The following CSMD1 variants were observed in gnomAD, a reference collection of about 807,000 sequenced individuals.
The protein encoded by CSMD1 is CUB and sushi domain-containing protein 1.
CSMD1 carries 213 observed loss-of-function variants against 417.5 expected under a neutral mutation model. The ratio of observed to expected loss-of-function variants is 0.51; its 90% confidence interval spans 0.46 to 0.57. CSMD1 has a LOEUF of 0.57. Among genes scored for constraint, CSMD1 ranks in the 20% least tolerant of loss-of-function variants. The pLI, the probability that CSMD1 is intolerant of heterozygous loss-of-function variation, is 0.00. For missense variants in CSMD1, 6,923 were observed against 4,529.7 expected (o/e 1.53, Z -15.17); for synonymous variants, 2,862 against 1,736.8 (o/e 1.65, Z -16.11).
At chr8:4,134,920 A>C (rs554292937) in intron 3 of CSMD1, among the ~76,000 whole-genome samples, 29 of 152,266 alleles carry the variant, frequency 1.9e-4, no homozygotes, top group African/African-American at 7.0e-4. Context: ...AGTTTTTGCT[A>C]AACTCTTCAT....
rs1026720154 is a variant in CSMD1 at position 4,223,978 on chromosome 8, C to A, written c.416-191879G>T. Reference sequence around the variant, plus strand: ...ATACTAGTCCAACCACTTTTGAGAGCCTTTCTAGTAAAATTCTTTAAACCC... The same window carrying A: ...ATACTAGTCCAACCACTTTTGAGAGACTTTCTAGTAAAATTCTTTAAACCC... On this transcript the variant is annotated intron_variant, in intron 3 of 69. Coordinates refer to ENST00000635120, the MANE Select transcript of CSMD1 (RefSeq NM_033225.6). Among the ~76,000 whole-genome samples the A allele has an allele frequency of 3.3e-5, 5 of 152,100 alleles. No individual in the cohort carries two copies. In the East Asian group the frequency reaches 5.8e-4, roughly 18 times the overall value.
At chr8:4,626,784 G>A (rs1209003912) in intron 2 of CSMD1, among the ~76,000 whole-genome samples, 2 of 152,156 alleles carry the variant, frequency 1.3e-5, no homozygotes, top group Non-Finnish European at 2.9e-5. Context: ...CTGAAAACCT[G>A]AAGCCCTGTG....
At chr8:4,586,755 G>A (rs1473548064) in intron 2 of CSMD1, among the ~76,000 whole-genome samples, 8 of 152,094 alleles carry the variant, frequency 5.3e-5, no homozygotes, top group Non-Finnish European at 7.3e-5. Context: ...ATAGCTGTGC[G>A]GTTCCCCATG....
At chr8:4,864,376 G>A (rs563932551) in intron 1 of CSMD1, among the ~76,000 whole-genome samples, 1 of 151,924 alleles carries the variant, frequency 6.6e-6, no homozygotes, top group South Asian at 2.1e-4. Context: ...ACGTAAAAAT[G>A]TATTTGTCTT....
At chr8:4,699,055 A>G (rs530804758) in intron 1 of CSMD1, among the ~76,000 whole-genome samples, 1 of 152,134 alleles carries the variant, frequency 6.6e-6, no homozygotes, top group African/African-American at 2.4e-5. Flanking sequence ...CAGTTTTGGG[A>G]AAAAATGTGC....
At chr8:4,186,041 G>C (rs1284462869) in intron 3 of CSMD1, among the ~76,000 whole-genome samples, 2 of 152,164 alleles carry the variant, frequency 1.3e-5, no homozygotes, top group East Asian at 3.9e-4. Flanking sequence ...CATAGTGCCT[G>C]GGTGGGCCTG....
At chr8:4,444,202 C>T (rs1798647147) in intron 2 of CSMD1, among the ~76,000 whole-genome samples, 1 of 151,768 alleles carries the variant, frequency 6.6e-6, no homozygotes, top group African/African-American at 2.4e-5. Context: ...ACTAGCCAGG[C>T]ATGGTGGCAC....
intron 7 of CSMD1, among the ~76,000 whole-genome samples, chr8:3,648,523 G>A (rs543444697): frequency 6.6e-6 from 1 of 152,260 alleles, no homozygotes; most frequent in African/African-American, 2.4e-5. Flanking sequence ...TTGAAAAGTT[G>A]TTGTACGATT....
intron 2 of CSMD1, among the ~76,000 whole-genome samples, chr8:4,584,953 C>T (rs902502042): frequency 6.6e-6 from 1 of 151,960 alleles, no homozygotes; most frequent in Non-Finnish European, 1.5e-5. Context: ...TAACTGCCTG[C>T]CAGAAACAAA....
rs377017264 is a variant in CSMD1, at chr8:4,032,039, G to A, written c.476C>T (p.Thr159Met). ...GATTTTGTCTCCTATGTTGAATCTC[G>A]TTCCATGCAGAACTCCTTTCAGGAT... ...GEILKGVLHG[T>M]RFNIGDKIRY... The change falls in exon 4 of 70, where the codon ACG (threonine) becomes ATG (methionine). Residue 159 changes from threonine to methionine, a missense_variant. Coordinates refer to ENST00000635120, the MANE Select transcript of CSMD1 (RefSeq NM_033225.6). The A allele has an allele frequency of 5.1e-5, 83 of 1,613,846 alleles. No individual in the cohort carries two copies. The highest frequency in any genetic ancestry group is 6.7e-5 in the African/African-American group (5 of 75,002).
At position 4,047,703 on chromosome 8, in the gene CSMD1, T is replaced by G. The variant is rs149523660; in HGVS notation, c.416-15604A>C. Reference sequence around the variant, plus strand: ...ACCATTAAAAAAATAAAATTTGTAATAGCTCAGTGGATTTTAAATGCTATG... The same window carrying G: ...ACCATTAAAAAAATAAAATTTGTAAGAGCTCAGTGGATTTTAAATGCTATG... On this transcript the variant is annotated intron_variant, in intron 3 of 69. Transcript: ENST00000635120. Among the ~76,000 whole-genome samples the G allele has an allele frequency of 7.2e-3, 1,097 of 152,180 alleles. 13 individuals carry two copies. The highest frequency in any genetic ancestry group is 0.025 in the African/African-American group (1,042 of 41,520).
intron 5 of CSMD1, among the ~76,000 whole-genome samples, chr8:3,757,524 G>C (rs79429143): frequency 6.6e-6 from 1 of 152,296 alleles, no homozygotes; most frequent in Admixed American, 6.5e-5. Context: ...GATTTGGCCT[G>C]CAGGTACTAG....
At chr8:3,428,599 G>A (rs576514468) in intron 12 of CSMD1, among the ~76,000 whole-genome samples, 144 of 152,244 alleles carry the variant, frequency 9.5e-4, no homozygotes, top group African/African-American at 3.2e-3. Flanking sequence ...AGAGTTCACC[G>A]TTAGTGAGGG....
At chr8:4,076,896 C>A (rs1799849791) in intron 3 of CSMD1, among the ~76,000 whole-genome samples, 1 of 152,068 alleles carries the variant, frequency 6.6e-6, no homozygotes, top group South Asian at 2.1e-4. Context: ...GTCTGAAGAA[C>A]TACTGAAATT....
intron 2 of CSMD1, among the ~76,000 whole-genome samples, chr8:4,511,233 AGT>A (rs1273776669): frequency 6.6e-6 from 1 of 152,144 alleles, no homozygotes; most frequent in Non-Finnish European, 1.5e-5. Flanking sequence ...CCCAAAAGAA[AGT>A]GTGAATTCTC....
At chr8:3,071,469 G>T (rs1018724305) in intron 49 of CSMD1, among the ~76,000 whole-genome samples, 2 of 152,060 alleles carry the variant, frequency 1.3e-5, no homozygotes, top group Non-Finnish European at 2.9e-5. Flanking sequence ...GTATGCCTAT[G>T]TAACAAACCT....
chr8:4,896,139 T>C (rs1804464238), intron 1 of CSMD1, among the ~76,000 whole-genome samples: 1 of 152,124 alleles, frequency 6.6e-6, no homozygotes, highest in Non-Finnish European at 1.5e-5. Flanking sequence ...GTAGCATAAA[T>C]ATTTTTTTAA....
At chr8:4,143,695 A>G (rs1803936514) in intron 3 of CSMD1, among the ~76,000 whole-genome samples, 1 of 150,980 alleles carries the variant, frequency 6.6e-6, no homozygotes, top group Non-Finnish European at 1.5e-5. Context: ...ATTGGATAAG[A>G]TACACAAAGT....
chr8:4,356,407 A>T (rs1801435509), intron 3 of CSMD1, among the ~76,000 whole-genome samples: 1 of 152,102 alleles, frequency 6.6e-6, no homozygotes, highest in Admixed American at 6.6e-5. Context: ...ACGATTTTGC[A>T]ATTGTCAATT....
Sources: gnomAD v4.1 joint callset for allele counts (sites outside exome capture counted in the v4.1 genomes callset) on GRCh38, gnomAD v4.1.1 for gene constraint, MANE v1.5 for transcripts, NCBI Gene and HGNC (gene_info 2026-07-23, HGNC 2026-07-21) for gene names.